FDFT1: variants seen among roughly 807,000 people sequenced by gnomAD.
FDFT1 encodes the protein squalene synthase.
Under a neutral mutation model 46.8 loss-of-function variants are expected in FDFT1, and 68 were observed. That is an observed-to-expected ratio of 1.45 (90% CI 1.19 to 1.78). The LOEUF (loss-of-function observed/expected upper bound fraction) is 1.78. Ranked by LOEUF, FDFT1 falls within the 40% of genes most tolerant of loss-of-function variation. The pLI is 0.00. For synonymous variants in FDFT1, 351 were observed against 185.1 expected, an observed-to-expected ratio of 1.90 and a Z score of -7.28; for missense variants, 928 against 524.4, an observed-to-expected ratio of 1.77 and a Z score of -7.52.
chr8:11,806,245 A>G (rs570836203), intron 1 of FDFT1, among the ~76,000 whole-genome samples: 1 of 152,218 alleles, frequency 6.6e-6, no homozygotes, highest in African/African-American at 2.4e-5. Context: ...GAGTGTGCTG[A>G]ATCTCAGACT....
chr8:11,804,402 A>G (rs909390952), intron 1 of FDFT1, among the ~76,000 whole-genome samples: 3 of 152,098 alleles, frequency 2.0e-5, no homozygotes, highest in Non-Finnish European at 2.9e-5. Context: ...CTGTTTTTGT[A>G]CATTTTGAGT....
chr8:11,823,647 A>T (rs2130824522), intron 4 of FDFT1, among the ~76,000 whole-genome samples: 1 of 152,124 alleles, frequency 6.6e-6, no homozygotes, highest in Non-Finnish European at 1.5e-5. Flanking sequence ...CAGACAAGGC[A>T]GCCTTGACCT....
chr8:11,796,610 T>A (rs1805589664), intron 1 of FDFT1, among the ~76,000 whole-genome samples: 2 of 152,196 alleles, frequency 1.3e-5, no homozygotes, highest in African/African-American at 4.8e-5. Context: ...GTGCTCTGAT[T>A]GGAGGCTTCT....
At chr8:11,810,979 T>C (rs1327040448) in intron 3 of FDFT1, among the ~76,000 whole-genome samples, 1 of 149,980 alleles carries the variant, frequency 6.7e-6, no homozygotes, top group African/African-American at 2.4e-5. Flanking sequence ...GGGAAGACTC[T>C]TGCGGTGCAA....
intron 3 of FDFT1, among the ~76,000 whole-genome samples, chr8:11,819,568 T>A (rs1808936533): frequency 1.3e-5 from 2 of 152,114 alleles, no homozygotes; most frequent in Admixed American, 1.3e-4. Context: ...TCTCTAATCT[T>A]GTCTTCTTGC....
At chr8:11,804,367 G>A (rs1428393918) in intron 1 of FDFT1, among the ~76,000 whole-genome samples, 6 of 152,110 alleles carry the variant, frequency 3.9e-5, no homozygotes, top group Non-Finnish European at 7.4e-5. Context: ...CATGGTAAGT[G>A]GGTAGAGAAA....
intron 3 of FDFT1, 146 bp downstream of exon 3, chr8:11,809,996 A>G (rs1807479891): frequency 3.4e-6 from 2 of 591,070 alleles, no homozygotes; most frequent in Non-Finnish European, 5.7e-6. Context: ...CCGGTAGCCA[A>G]GACTCTGAAG....
At chr8:11,825,057 C>A (rs2645427) in intron 4 of FDFT1, among the ~76,000 whole-genome samples, 117,202 of 152,078 alleles carry the variant, frequency 0.77, 46,286 homozygotes, top group African/African-American at 0.85. Flanking sequence ...TTCTTAAAAC[C>A]GTGTCAAGAA....
chr8:11,797,532 A>G (rs1308498244), upstream of FDFT1, among the ~76,000 whole-genome samples: 1 of 9,506 alleles, frequency 1.1e-4, no homozygotes, highest in Non-Finnish European at 2.0e-3. Context: ...CATTTAAAGA[A>G]CAGATAATCA....
At chr8:11,820,041 CT>C (rs1402391872) in intron 3 of FDFT1, among the ~76,000 whole-genome samples, 1 of 152,054 alleles carries the variant, frequency 6.6e-6, no homozygotes, top group Non-Finnish European at 1.5e-5. Context: ...TGTGGGTGTC[CT>C]TTTTGTTGAT....
chr8:11,805,249 G>A (rs1167240787), intron 1 of FDFT1, among the ~76,000 whole-genome samples: 3 of 152,158 alleles, frequency 2.0e-5, no homozygotes, highest in East Asian at 1.9e-4. Context: ...AAAAATTTAC[G>A]CTTAGCAGAT....
At chr8:11,830,216 C>G (rs1401191687) in intron 5 of FDFT1, 28 bp from the exon 6 acceptor site, 1 of 1,582,866 alleles carries the variant, frequency 6.3e-7, no homozygotes, top group Non-Finnish European at 8.7e-7. Context: ...ACACGCTGAC[C>G]TGTTCCTTAA....
At chr8:11,815,266 T>C (rs1250916285) in intron 3 of FDFT1, among the ~76,000 whole-genome samples, 1 of 152,212 alleles carries the variant, frequency 6.6e-6, no homozygotes, top group African/African-American at 2.4e-5. Context: ...ATTCAGTCTA[T>C]TATTGATGGA....
At chr8:11,808,744 A>ACTCCCACTCCCACTCCCG (rs758960490) in intron 1 of FDFT1, 50 bp from the exon 2 acceptor site, 51 of 1,316,190 alleles carry the variant, frequency 3.9e-5, no homozygotes, top group Admixed American at 3.3e-4. Context: ...TCCCACTCCC[A>ACTCCCACTCCCACTCCCG]CTCCTGCTCC....
chr8:11,812,506 T>C (rs1474231203), intron 3 of FDFT1, among the ~76,000 whole-genome samples: 2 of 152,224 alleles, frequency 1.3e-5, no homozygotes, highest in South Asian at 2.1e-4. Context: ...GGGGATCAGC[T>C]GTCTGTGCCC....
intron 7 of FDFT1, among the ~76,000 whole-genome samples, chr8:11,836,606 G>A (rs941442550): frequency 6.6e-6 from 1 of 152,260 alleles, no homozygotes; most frequent in African/African-American, 2.4e-5. Context: ...ATAAATGGCT[G>A]CATGCAAGCT....
chr8:11,831,427 C>T (rs1289835934), intron 6 of FDFT1, 91 bp from the exon 7 acceptor site: 1 of 1,102,674 alleles, frequency 9.1e-7, no homozygotes, highest in Admixed American at 2.0e-5. Flanking sequence ...TAGCAATTGC[C>T]CATTCAACAG....
At chr8:11,820,692 A>G (rs1398156549) in intron 3 of FDFT1, among the ~76,000 whole-genome samples, 2 of 152,210 alleles carry the variant, frequency 1.3e-5, no homozygotes, top group East Asian at 1.9e-4. Flanking sequence ...ACTGGAGGCA[A>G]TCACCTGCTC....
chr8:11,838,261 T>A (rs1811812194), intron 7 of FDFT1, 127 bp from the exon 8 acceptor site: 3 of 731,840 alleles, frequency 4.1e-6, no homozygotes, highest in Non-Finnish European at 7.1e-6. Flanking sequence ...ATGTTCATGT[T>A]CTCTGAGCCT....
Sources: gnomAD v4.1 joint callset for allele counts (sites outside exome capture counted in the v4.1 genomes callset) on GRCh38, gnomAD v4.1.1 for gene constraint, MANE v1.5 for transcripts, NCBI Gene and HGNC (gene_info 2026-07-23, HGNC 2026-07-21) for gene names.